BIRC6: variants seen among roughly 807,000 people sequenced by gnomAD.
BIRC6 encodes dual E2 ubiquitin-conjugating enzyme/E3 ubiquitin-protein ligase BIRC6.
A neutral mutation model predicts 503.3 loss-of-function variants in BIRC6; 98 were observed. The ratio of observed to expected loss-of-function variants is 0.19; its 90% confidence interval spans 0.17 to 0.23. BIRC6 has a LOEUF of 0.23. BIRC6 is among the 10% of genes least tolerant of loss of function. The probability of loss-of-function intolerance (pLI) is 1.00; values close to 1 mark genes in which losing one functional copy is unlikely to be tolerated. For missense variants in BIRC6, 5,360 were observed against 5,806.0 expected (o/e 0.92, Z 2.50); for synonymous variants, 2,240 against 2,078.7 (o/e 1.08, Z -2.11).
chr2:32,557,764 A>G (rs1301368619), intron 65 of BIRC6: 3 of 152,208 alleles, frequency 2.0e-5, no homozygotes, highest in Non-Finnish European at 2.9e-5. Flanking sequence ...TGTTCCAGCT[A>G]TACCTAACAT....
At chr2:32,593,837 G>T in intron 66 of BIRC6, 78 bp from the exon 67 acceptor site, 1 of 1,255,362 alleles carries the variant, frequency 8.0e-7, no homozygotes, top group Non-Finnish European at 1.1e-6. Context: ...ACACTCATTT[G>T]TATATTGATT....
chr2:32,439,640 A>G lies in BIRC6; in HGVS notation c.3764A>G (p.Lys1255Arg). The change falls in exon 16 of 74, where the codon AAG becomes AGG. Residue 1255 changes from lysine (K) to arginine (R), a missense_variant. Transcript: ENST00000421745. ...CCATCCCTAAAACACCAGAGTAACA[A>G]GGGTTATTCACTTGCTTCACTTTTG... ...RLPSLKHQSN[K>R]GYSLASLLAK... 6.2e-7 allele frequency: 1 copy of G among 1,613,922 alleles called. No individual in the cohort carries two copies.
chr2:32,434,214 C>T (rs546920894), intron 13 of BIRC6, among the ~76,000 whole-genome samples: 1 of 152,210 alleles, frequency 6.6e-6, no homozygotes, highest in Admixed American at 6.5e-5. Flanking sequence ...TTTTATCTTT[C>T]TTACAAGTTC....
chr2:32,611,478 G>T lies in BIRC6; in HGVS notation c.14290G>T (p.Val4764Phe), dbSNP rs1416029274. The T allele has an allele frequency of 6.2e-7, 1 of 1,609,538 alleles. No individual in the cohort carries two copies. The highest frequency in any genetic ancestry group is 8.5e-7 in the Non-Finnish European group (1 of 1,177,258). The change falls in exon 73 of 74, where the codon GTT (valine) becomes TTT (phenylalanine). Residue 4764 changes from valine (V) to phenylalanine (F), a missense_variant. Coordinates refer to ENST00000421745, the MANE Select transcript of BIRC6 (RefSeq NM_016252.4). The stretch of plus-strand genomic sequence containing the variant: ...ACACAAACATTTTTACTTGAAAAGA[G>T]TTGAGATAATGGCCCAATGTGAGGA... ...VIHKHFYLKR[V>F]EIMAQCEEWI... is the part of the protein sequence containing the mutation.
At chr2:32,574,708 A>G in intron 65 of BIRC6, 1 of 191,846 alleles carries the variant, frequency 5.2e-6, no homozygotes, top group Non-Finnish European at 1.1e-5. Flanking sequence ...AAATCTGTAT[A>G]TAAGTGGACT....
intron 72 of BIRC6, among the ~76,000 whole-genome samples, chr2:32,610,342 A>G (rs1327183946): frequency 6.6e-6 from 1 of 152,256 alleles, no homozygotes; most frequent in East Asian, 1.9e-4. Context: ...ATGTTGGTAG[A>G]AATTTTACTC....
chr2:32,408,951 TG>T (rs554200090), intron 9 of BIRC6, among the ~76,000 whole-genome samples: 28 of 152,298 alleles, frequency 1.8e-4, no homozygotes, highest in African/African-American at 6.5e-4. Context: ...GGTGACTTTA[TG>T]GAGGCTTATA....
chr2:32,609,024 C>T (rs954099769), intron 72 of BIRC6, among the ~76,000 whole-genome samples: 8 of 151,642 alleles, frequency 5.3e-5, no homozygotes, highest in Non-Finnish European at 8.8e-5. Flanking sequence ...GGACTGTGTG[C>T]GCATACCACC....
chr2:32,516,432 C>G (rs1332870136), intron 55 of BIRC6, among the ~76,000 whole-genome samples: 1 of 150,774 alleles, frequency 6.6e-6, no homozygotes, highest in Non-Finnish European at 1.5e-5. Flanking sequence ...AGGGGAATTG[C>G]TTGAATCAGA....
chr2:32,371,896 C>G (rs2036022660), intron 1 of BIRC6, among the ~76,000 whole-genome samples: 1 of 152,094 alleles, frequency 6.6e-6, no homozygotes, highest in South Asian at 2.1e-4. Flanking sequence ...ACCTCCACCT[C>G]CCTGGTTCCA....
chr2:32,512,907 A>T, intron 53 of BIRC6, 26 bp from the exon 54 acceptor site: 1 of 1,591,208 alleles, frequency 6.3e-7, no homozygotes, highest in Non-Finnish European at 8.6e-7. Flanking sequence ...ATAGTTGGTT[A>T]TATGAATTCG....
chr2:32,412,366 A>G lies in BIRC6; in HGVS notation c.1478-2403A>G, dbSNP rs1270588772. Among the ~76,000 whole-genome samples the G allele has an allele frequency of 2.6e-5, 4 of 151,400 alleles. No homozygotes were observed. The South Asian group carries it at 6.4e-4, about 24-fold the overall frequency. The stretch of plus-strand genomic sequence containing the variant: ...ACAAAAATTAGCCAGGCGTGGTGGC[A>G]GGTGCCTGTAATCCCAGCTACTCAG... On this transcript the variant is annotated intron_variant, in intron 9 of 73. Coordinates refer to ENST00000421745, the MANE Select transcript of BIRC6 (RefSeq NM_016252.4).
intron 39 of BIRC6, among the ~76,000 whole-genome samples, chr2:32,482,937 A>G (rs1301503938): frequency 7.1e-6 from 1 of 140,902 alleles, no homozygotes; most frequent in African/African-American, 2.6e-5. Context: ...TTTTTTTTTG[A>G]GATGGAGTCT....
At chr2:32,615,908 C>G (rs2063199495) in intron 73 of BIRC6, among the ~76,000 whole-genome samples, 1 of 152,130 alleles carries the variant, frequency 6.6e-6, no homozygotes, top group Non-Finnish European at 1.5e-5. Flanking sequence ...GCTGGGATTA[C>G]AGGCGTGAGG....
intron 27 of BIRC6, 81 bp from the exon 28 acceptor site, chr2:32,467,822 T>C: frequency 7.0e-7 from 1 of 1,436,632 alleles, no homozygotes; most frequent in South Asian, 1.4e-5. Context: ...TTAAAAAATA[T>C]AACTATCTTT....
rs1293384288 is a variant in BIRC6, at chr2:32,482,417, C to T, written c.7543-12C>T. 6.9e-6 allele frequency: 11 copies of T among 1,595,594 alleles called. No homozygotes were observed. The Admixed American group carries it at 7.0e-5, about 10-fold the overall frequency. ...CAAAAATAAACCACAGTTTTTTTTCCATTCTTTTAAGCCAATAAGCAGTAC... is the reference window on the plus strand; with the variant it reads ...CAAAAATAAACCACAGTTTTTTTTCTATTCTTTTAAGCCAATAAGCAGTAC... On this transcript the variant is annotated splice_polypyrimidine_tract_variant and intron_variant, in intron 38 of 73. Coordinates refer to ENST00000421745, the MANE Select transcript of BIRC6 (RefSeq NM_016252.4).
At chr2:32,430,305 C>T (rs910859667) in intron 11 of BIRC6, among the ~76,000 whole-genome samples, 6 of 152,052 alleles carry the variant, frequency 3.9e-5, no homozygotes, top group African/African-American at 1.2e-4. Flanking sequence ...TAGTATGAAG[C>T]ACGTTATTAC....
At position 32,585,595 on chromosome 2, in the gene BIRC6, T is replaced by G. The variant is rs573226918; in HGVS notation, c.13356-8320T>G. 2.6e-5 allele frequency among the ~76,000 whole-genome samples: 4 copies of G among 152,242 alleles called. No individual in the cohort carries two copies. In the South Asian group the frequency reaches 8.3e-4, roughly 32 times the overall value. ...GGATTTTGCCATGTTGGCCAGGCTATTCGTGAACTCCTGACCTCAGGTGAT... is the reference window on the plus strand; with the variant it reads ...GGATTTTGCCATGTTGGCCAGGCTAGTCGTGAACTCCTGACCTCAGGTGAT... On this transcript the variant is annotated intron_variant, in intron 66 of 73. Transcript: ENST00000421745.
At chr2:32,592,728 T>G (rs1181269047) in intron 66 of BIRC6, among the ~76,000 whole-genome samples, 2 of 152,166 alleles carry the variant, frequency 1.3e-5, no homozygotes, top group Non-Finnish European at 2.9e-5. Context: ...CCCCAGTAGC[T>G]GGGATTACAG....
Sources: allele counts gnomAD v4.1 joint callset (sites outside exome capture counted in the v4.1 genomes callset), GRCh38; gene constraint gnomAD v4.1.1; transcripts MANE v1.5; gene names NCBI Gene and HGNC (gene_info 2026-07-23, HGNC 2026-07-21).